Variants in STRN3 observed in about 807,000 individuals in gnomAD.
STRN3 encodes the protein striatin 3.
A neutral mutation model predicts 95.6 loss-of-function variants in STRN3; 29 were observed. That is an observed-to-expected ratio of 0.30 (90% CI 0.23 to 0.41). STRN3 has a LOEUF of 0.41. STRN3 is among the 10% of genes least tolerant of loss of function. The probability of loss-of-function intolerance (pLI) is 1.00; values close to 1 mark genes in which losing one functional copy is unlikely to be tolerated. For synonymous variants in STRN3, 331 were observed against 357.6 expected, an observed-to-expected ratio of 0.93 and a Z score of 0.84; for missense variants, 890 against 972.1, an observed-to-expected ratio of 0.92 and a Z score of 1.12.
intron 16 of STRN3, among the ~76,000 whole-genome samples, chr14:30,896,465 G>A (rs1160039229): frequency 6.6e-6 from 1 of 151,852 alleles, no homozygotes; most frequent in Non-Finnish European, 1.5e-5. Context: ...CCTGTGAGTG[G>A]CCACTGTACT....
At chr14:30,937,478 C>CAGG (rs1793039610) in intron 5 of STRN3, among the ~76,000 whole-genome samples, 2 of 152,218 alleles carry the variant, frequency 1.3e-5, no homozygotes, top group South Asian at 4.1e-4. Flanking sequence ...ACTTATTTAA[C>CAGG]AGGTAATAGG....
At chr14:31,014,349 T>C (rs550869463) in intron 1 of STRN3, among the ~76,000 whole-genome samples, 1 of 151,972 alleles carries the variant, frequency 6.6e-6, no homozygotes, top group Non-Finnish European at 1.5e-5. Context: ...GCCTCCCGAG[T>C]AGCTGGAACT....
chr14:30,911,547 C>T (rs756918891), intron 12 of STRN3, among the ~76,000 whole-genome samples: 2 of 152,162 alleles, frequency 1.3e-5, no homozygotes, highest in Non-Finnish European at 2.9e-5. Context: ...AAGTGATCTG[C>T]CCGCCTCAGC....
intron 7 of STRN3, among the ~76,000 whole-genome samples, chr14:30,932,965 A>T (rs1878615448): frequency 6.6e-6 from 1 of 152,134 alleles, no homozygotes; most frequent in African/African-American, 2.4e-5. Flanking sequence ...TATTGACAGA[A>T]TGTTATCCAG....
chr14:31,006,394 T>G (rs1882716034), intron 1 of STRN3, among the ~76,000 whole-genome samples: 1 of 151,072 alleles, frequency 6.6e-6, no homozygotes, highest in Admixed American at 6.6e-5. Context: ...GACCTCGTGT[T>G]TACTAAAATT....
At chr14:30,977,004 C>T (rs1270000478) in intron 1 of STRN3, among the ~76,000 whole-genome samples, 1 of 151,356 alleles carries the variant, frequency 6.6e-6, no homozygotes, top group African/African-American at 2.4e-5. Flanking sequence ...GCAGGCGGAT[C>T]ACATGAGATC....
intron 1 of STRN3, among the ~76,000 whole-genome samples, chr14:31,022,006 C>T (rs1389611446): frequency 3.3e-5 from 5 of 152,016 alleles, no homozygotes; most frequent in Admixed American, 1.3e-4. Context: ...CTATTATCAC[C>T]ATCATCTGAA....
Position 30,911,065 on chromosome 14 carries a change from T to C in STRN3, c.1696A>G (p.Ser566Gly). ...TIQWWNMPSPSVDPYDTYEPN... is the reference protein window; with the variant it reads ...TIQWWNMPSPGVDPYDTYEPN... ...CCATATGTATCATATGGATCTACAC[T>C]GGGACTCGGCATATTCCACCACTGG... Residue 566 changes from serine to glycine, a missense_variant, in exon 13 of 18, where the codon AGT (serine) becomes GGT (glycine). Transcript: ENST00000357479. The C allele has an allele frequency of 6.2e-7, 1 of 1,613,994 alleles. No homozygotes were observed. Among genetic ancestry groups the C allele is most frequent in the African/African-American group, 1.3e-5 (1 of 75,004 alleles).
At chr14:30,902,171 CAAAAAAAAAAAAAA>C (rs71112350) in intron 16 of STRN3, among the ~76,000 whole-genome samples, 14 of 39,852 alleles carry the variant, frequency 3.5e-4, no homozygotes, top group Admixed American at 1.0e-3. Flanking sequence ...AACTCCGCCT[CAAAAAAAAAAAAAA>C]AAAAAAAAAA....
intron 1 of STRN3, among the ~76,000 whole-genome samples, chr14:30,977,629 CA>C (rs558862269): frequency 0.022 from 2,953 of 132,160 alleles, 68 homozygotes; most frequent in African/African-American, 0.069. Context: ...ACTAAAAATA[CA>C]AAAAAAAAAA....
intron 5 of STRN3, among the ~76,000 whole-genome samples, chr14:30,944,446 T>C (rs10135412): frequency 0.4 from 58,803 of 148,750 alleles, 12,340 homozygotes; most frequent in Non-Finnish European, 0.47. Context: ...CAGAAAAAAA[T>C]ACACATACAC....
chr14:30,909,806 T>C (rs1277836069), intron 13 of STRN3, among the ~76,000 whole-genome samples: 4 of 152,182 alleles, frequency 2.6e-5, no homozygotes, highest in African/African-American at 4.8e-5. Context: ...AGGGTGAATT[T>C]TGTGATATGT....
At chr14:30,986,625 T>C (rs188040272) in intron 1 of STRN3, among the ~76,000 whole-genome samples, 1 of 152,252 alleles carries the variant, frequency 6.6e-6, no homozygotes, top group African/African-American at 2.4e-5. Flanking sequence ...CCTACTATAG[T>C]GCTACCCTAG....
chr14:31,005,827 A>G (rs759134278), intron 1 of STRN3, among the ~76,000 whole-genome samples: 1 of 152,256 alleles, frequency 6.6e-6, no homozygotes, highest in East Asian at 1.9e-4. Context: ...AGTACAGCTC[A>G]GAAAACATAG....
At chr14:30,915,836 A>T (rs1896723960) in intron 9 of STRN3, among the ~76,000 whole-genome samples, 1 of 152,194 alleles carries the variant, frequency 6.6e-6, no homozygotes. Context: ...ACTATCTCTG[A>T]TCAGCCAGAC....
At chr14:30,945,382 C>T (rs982007606) in intron 5 of STRN3, among the ~76,000 whole-genome samples, 1 of 108,822 alleles carries the variant, frequency 9.2e-6, no homozygotes, top group African/African-American at 3.4e-5. Context: ...CTTTGGAAGG[C>T]CAATGAGGGC....
At chr14:30,955,450 T>C (rs1008198107) in intron 3 of STRN3, among the ~76,000 whole-genome samples, 170 bp downstream of exon 3, 8 of 152,194 alleles carry the variant, frequency 5.3e-5, no homozygotes, top group Non-Finnish European at 1.2e-4. Flanking sequence ...AGGATTAAGA[T>C]GTATATGAAA....
chr14:30,939,528 T>C (rs770898054), intron 5 of STRN3, among the ~76,000 whole-genome samples: 3 of 152,152 alleles, frequency 2.0e-5, no homozygotes, highest in Non-Finnish European at 4.4e-5. Flanking sequence ...TGAAGTTAGC[T>C]AAGAATAATT....
At chr14:30,918,757 A>G (rs1221076618) in intron 9 of STRN3, among the ~76,000 whole-genome samples, 1 of 152,204 alleles carries the variant, frequency 6.6e-6, no homozygotes, top group South Asian at 2.1e-4. Flanking sequence ...AACTCCTCAC[A>G]TTAAAAACAA....
Sources: gnomAD v4.1 joint callset for allele counts (sites outside exome capture counted in the v4.1 genomes callset) on GRCh38, gnomAD v4.1.1 for gene constraint, MANE v1.5 for transcripts, NCBI Gene and HGNC (gene_info 2026-07-23, HGNC 2026-07-21) for gene names.